The following LRRC4C variants were observed in gnomAD, a reference collection of about 807,000 sequenced individuals.
The protein encoded by LRRC4C is leucine rich repeat containing 4C, also known as leucine-rich repeat-containing protein 4C.
Under a neutral mutation model 33.6 loss-of-function variants are expected in LRRC4C, and 5 were observed. That is an observed-to-expected ratio of 0.15 (90% CI 0.08 to 0.31). LRRC4C has a LOEUF of 0.31. LRRC4C is among the 10% of genes least tolerant of loss of function. The pLI is 1.00. For synonymous variants in LRRC4C, 329 were observed against 302.0 expected (o/e 1.09, Z -0.93); for missense variants, 560 against 796.7 (o/e 0.70, Z 3.58).
chr11:40,208,219 G>A (rs1863303005), intron 5 of LRRC4C, among the ~76,000 whole-genome samples: 1 of 152,122 alleles, frequency 6.6e-6, no homozygotes, highest in Non-Finnish European at 1.5e-5. Flanking sequence ...CGCTATACCA[G>A]TTTAAAGGAA....
At chr11:40,970,251 G>A (rs1191469139) in intron 1 of LRRC4C, among the ~76,000 whole-genome samples, 1 of 152,150 alleles carries the variant, frequency 6.6e-6, no homozygotes, top group Non-Finnish European at 1.5e-5. Context: ...TGGAGGAGGG[G>A]CCTGGTGAAA....
chr11:41,360,632 T>G (rs1417840154), intron 1 of LRRC4C, among the ~76,000 whole-genome samples: 1 of 152,052 alleles, frequency 6.6e-6, no homozygotes, highest in Admixed American at 6.6e-5. Flanking sequence ...GTTAAATAAA[T>G]GATAAATGAG....
At chr11:40,910,466 C>G (rs907634135) in intron 2 of LRRC4C, among the ~76,000 whole-genome samples, 1 of 152,148 alleles carries the variant, frequency 6.6e-6, no homozygotes, top group African/African-American at 2.4e-5. Flanking sequence ...GCTTTAATGT[C>G]ACTTGATATT....
intron 2 of LRRC4C, among the ~76,000 whole-genome samples, chr11:40,715,434 A>C (rs1946656316): frequency 6.6e-6 from 1 of 152,246 alleles, no homozygotes; most frequent in Non-Finnish European, 1.5e-5. Context: ...CAATTGTCAC[A>C]GTGGTAGGGA....
intron 2 of LRRC4C, among the ~76,000 whole-genome samples, chr11:40,652,707 A>C (rs1942878577): frequency 6.6e-6 from 1 of 152,222 alleles, no homozygotes; most frequent in Non-Finnish European, 1.5e-5. Context: ...CTTTCTACTT[A>C]TCTGAGACAG....
chr11:40,623,357 TATTTTA>T (rs1962638852), intron 3 of LRRC4C, among the ~76,000 whole-genome samples: 2 of 152,078 alleles, frequency 1.3e-5, no homozygotes, highest in Non-Finnish European at 2.9e-5. Flanking sequence ...TATCTCATGC[TATTTTA>T]AGTTCTAAAG....
chr11:40,303,192 TACG>T (rs1944863201), intron 4 of LRRC4C, among the ~76,000 whole-genome samples: 1 of 152,084 alleles, frequency 6.6e-6, no homozygotes, highest in Non-Finnish European at 1.5e-5. Flanking sequence ...ACTTGGAGGT[TACG>T]AGGATCTAAA....
At chr11:41,133,785 A>T (rs377248299) in intron 1 of LRRC4C, among the ~76,000 whole-genome samples, 2 of 152,160 alleles carry the variant, frequency 1.3e-5, no homozygotes, top group Non-Finnish European at 2.9e-5. Context: ...TCCTTATCTT[A>T]CCTTAAAGCA....
chr11:40,337,055 A>G (rs1320547805), intron 3 of LRRC4C, among the ~76,000 whole-genome samples: 2 of 150,882 alleles, frequency 1.3e-5, no homozygotes, highest in African/African-American at 2.4e-5. Context: ...GGACGTCCTC[A>G]CCAAGAAGCG....
At chr11:40,160,915 C>T (rs765546826) in intron 5 of LRRC4C, among the ~76,000 whole-genome samples, 8 of 152,292 alleles carry the variant, frequency 5.3e-5, no homozygotes, top group East Asian at 1.9e-4. Flanking sequence ...AAACCAGCCA[C>T]GTCCATGCCT....
At chr11:40,708,067 T>C (rs896779105) in intron 2 of LRRC4C, among the ~76,000 whole-genome samples, 15 of 152,154 alleles carry the variant, frequency 9.9e-5, no homozygotes, top group Non-Finnish European at 7.3e-5. Context: ...ATCCCCTTTA[T>C]CATTTTTTAT....
chr11:40,161,981 C>T (rs189951058), intron 5 of LRRC4C, among the ~76,000 whole-genome samples: 2 of 152,172 alleles, frequency 1.3e-5, no homozygotes, highest in Non-Finnish European at 1.5e-5. Flanking sequence ...TTCTCACAGT[C>T]CTGGAGGCTG....
intron 3 of LRRC4C, among the ~76,000 whole-genome samples, chr11:40,640,668 T>C (rs1352710270): frequency 6.6e-6 from 1 of 152,210 alleles, no homozygotes; most frequent in African/African-American, 2.4e-5. Context: ...TTTTAAATGA[T>C]ATTTTGATTC....
chr11:40,539,738 T>C (rs980127608), intron 3 of LRRC4C, among the ~76,000 whole-genome samples: 3 of 152,134 alleles, frequency 2.0e-5, no homozygotes, highest in South Asian at 2.1e-4. Context: ...CTGACACATA[T>C]GTAAACAAAT....
intron 5 of LRRC4C, among the ~76,000 whole-genome samples, chr11:40,190,224 A>T (rs1861725745): frequency 6.6e-6 from 1 of 152,212 alleles, no homozygotes; most frequent in African/African-American, 2.4e-5. Context: ...CTCTGAACCA[A>T]GCCAGGCCTT....
intron 1 of LRRC4C, among the ~76,000 whole-genome samples, chr11:41,352,483 T>G (rs1952017427): frequency 6.6e-6 from 1 of 151,982 alleles, no homozygotes; most frequent in African/African-American, 2.4e-5. Context: ...AACAAAGACA[T>G]TTGGGACTTA....
intron 2 of LRRC4C, among the ~76,000 whole-genome samples, chr11:40,927,635 C>T (rs1957455381): frequency 6.6e-6 from 1 of 152,094 alleles, no homozygotes; most frequent in Non-Finnish European, 1.5e-5. Context: ...GTCCTTTGCT[C>T]TTTGGAGTTA....
At chr11:41,263,520 A>G (rs1260179824) in intron 1 of LRRC4C, among the ~76,000 whole-genome samples, 1 of 152,166 alleles carries the variant, frequency 6.6e-6, no homozygotes, top group Admixed American at 6.5e-5. Flanking sequence ...CTTTATGATT[A>G]TTGTGTATTT....
intron 1 of LRRC4C, among the ~76,000 whole-genome samples, chr11:40,962,803 A>G (rs1851066169): frequency 6.6e-6 from 1 of 151,756 alleles, no homozygotes; most frequent in Non-Finnish European, 1.5e-5. Flanking sequence ...TTTAGGGCAG[A>G]TTACCTTTTC....
Sources: gnomAD v4.1 joint callset for allele counts (sites outside exome capture counted in the v4.1 genomes callset) on GRCh38, gnomAD v4.1.1 for gene constraint, MANE v1.5 for transcripts, NCBI Gene and HGNC (gene_info 2026-07-23, HGNC 2026-07-21) for gene names.